CATSPERB: variants seen among roughly 807,000 people sequenced by gnomAD.
CATSPERB encodes the protein catsper channel auxiliary subunit beta, also known as cation channel sperm-associated auxiliary subunit beta.
Under a neutral mutation model 128.3 loss-of-function variants are expected in CATSPERB, and 93 were observed. The observed-to-expected ratio is 0.72, with a 90% CI of 0.61 to 0.86. The LOEUF (loss-of-function observed/expected upper bound fraction) is 0.86. CATSPERB is among the 40% of genes least tolerant of loss of function. The probability of loss-of-function intolerance (pLI) is 0.00; values close to 1 mark genes in which losing one functional copy is unlikely to be tolerated. For synonymous variants in CATSPERB, 381 were observed against 448.8 expected, an observed-to-expected ratio of 0.85 and a Z score of 1.91; for missense variants, 1,153 against 1,329.5, an observed-to-expected ratio of 0.87 and a Z score of 2.06.
At chr14:91,581,247 A>C (rs1893203050) in intron 26 of CATSPERB, 140 bp from the exon 27 acceptor site, 2 of 679,026 alleles carry the variant, frequency 2.9e-6, no homozygotes, top group Admixed American at 5.6e-5. Flanking sequence ...CAAAGCTTGG[A>C]AACAGTCTCT....
intron 5 of CATSPERB, among the ~76,000 whole-genome samples, chr14:91,718,020 G>C (rs1394838730): frequency 2.6e-5 from 4 of 152,096 alleles, no homozygotes; most frequent in Non-Finnish European, 4.4e-5. Context: ...TCCTGTCTGG[G>C]TGACTTTAGA....
At chr14:91,697,049 C>G (rs1318893684) in intron 7 of CATSPERB, among the ~76,000 whole-genome samples, 1 of 152,078 alleles carries the variant, frequency 6.6e-6, no homozygotes, top group Non-Finnish European at 1.5e-5. Flanking sequence ...AATAAATATA[C>G]AAGCGAAGAG....
chr14:91,684,064 C>T lies in CATSPERB; in HGVS notation c.865-121G>A, dbSNP rs951727617. On this transcript the variant is annotated intron_variant, in intron 10 of 26. Coordinates refer to ENST00000256343, the MANE Select transcript of CATSPERB (RefSeq NM_024764.4). ...AGTTCAGGAATGTGAGGCAAAGAGACAAAAATTGTATGCAAATAAAAGACT... is the reference window on the plus strand; with the variant it reads ...AGTTCAGGAATGTGAGGCAAAGAGATAAAAATTGTATGCAAATAAAAGACT... 4 of 587,626 alleles carry T rather than the reference C, an allele frequency of 6.8e-6. No homozygotes were observed. In the Admixed American group the frequency reaches 1.3e-4, roughly 20 times the overall value. 36.4% of individuals were successfully genotyped at this position (587,626 alleles called of 1,614,324 possible).
At chr14:91,600,598 A>C (rs958999389) in intron 22 of CATSPERB, among the ~76,000 whole-genome samples, 1 of 152,244 alleles carries the variant, frequency 6.6e-6, no homozygotes, top group Admixed American at 6.5e-5. Flanking sequence ...ACTTCAACAC[A>C]TACTTTTATG....
At chr14:91,607,091 G>C (rs1471468734) in intron 22 of CATSPERB, among the ~76,000 whole-genome samples, 2 of 118,364 alleles carry the variant, frequency 1.7e-5, no homozygotes, top group Middle Eastern at 4.1e-3. Context: ...GGGCGGGGGG[G>C]GGGGGGGCGG....
intron 4 of CATSPERB, among the ~76,000 whole-genome samples, chr14:91,720,151 A>G (rs1377252540): frequency 6.6e-6 from 1 of 152,090 alleles, no homozygotes; most frequent in Non-Finnish European, 1.5e-5. Context: ...AAATCCAAAG[A>G]GAAAAATCTT....
Position 91,723,091 on chromosome 14 carries a change from C to A in CATSPERB, c.267G>T (p.Met89Ile). 6.5e-7 allele frequency: 1 copy of A among 1,547,646 alleles called. No individual in the cohort carries two copies. Among genetic ancestry groups the A allele is most frequent in the Non-Finnish European group, 8.7e-7 (1 of 1,147,192 alleles). Residue 89 changes from methionine to isoleucine, a missense_variant, in exon 4 of 27, where the codon ATG becomes ATT. Met to Ile is a conservative substitution (Grantham distance 10). Coordinates refer to ENST00000256343, the MANE Select transcript of CATSPERB (RefSeq NM_024764.4). ...SGGLAPSLGI[M>I]NSTYNGIFHF... ...GGAAGATGCCATTATATGTACTATT[C>A]ATGATTCCCAAGCTGGGAGCAAGTC...
chr14:91,647,149 G>A (rs1894620071), intron 15 of CATSPERB, among the ~76,000 whole-genome samples: 2 of 152,202 alleles, frequency 1.3e-5, no homozygotes, highest in South Asian at 4.1e-4. Flanking sequence ...GCCTTCCAAT[G>A]GCCATAACCT....
intron 11 of CATSPERB, among the ~76,000 whole-genome samples, chr14:91,676,033 C>T (rs1305059660): frequency 6.6e-6 from 1 of 152,142 alleles, no homozygotes. Flanking sequence ...TTTGCCATCT[C>T]ATTTGTTGCC....
chr14:91,671,520 C>T (rs533947103), intron 13 of CATSPERB, among the ~76,000 whole-genome samples: 1 of 151,474 alleles, frequency 6.6e-6, no homozygotes, highest in African/African-American at 2.4e-5. Context: ...GGTTGCAGTG[C>T]GCCGAGGTTG....
At chr14:91,606,780 T>G (rs1190180643) in intron 22 of CATSPERB, among the ~76,000 whole-genome samples, 1 of 152,136 alleles carries the variant, frequency 6.6e-6, no homozygotes, top group Non-Finnish European at 1.5e-5. Context: ...CTGATAACAC[T>G]GGAAATGGTG....
chr14:91,674,870 C>G (rs1473057175), intron 11 of CATSPERB, among the ~76,000 whole-genome samples: 1 of 152,216 alleles, frequency 6.6e-6, no homozygotes, highest in African/African-American at 2.4e-5. Context: ...ACAGGACACA[C>G]AGACCTTGCA....
rs1488951201 is a variant in CATSPERB at position 91,659,865 on chromosome 14, T to C, written c.1404A>G (p.Gln468=). The C allele has an allele frequency of 3.7e-6, 6 of 1,606,836 alleles. No homozygotes were observed. The African/African-American group carries it at 4.0e-5, about 11-fold the overall frequency. Residue 468 remains glutamine, a synonymous_variant, in exon 15 of 27, where the codon CAA becomes CAG. Coordinates refer to ENST00000256343, the MANE Select transcript of CATSPERB (RefSeq NM_024764.4). The stretch of plus-strand genomic sequence containing the variant: ...CCTTTGTCGAGTAAACCTTTCCACG[T>C]TGAGAAACAAAAGTAATAGCTGATG... ...FYTSAITFVS[Q]RGKVYSTKAG... is the part of the protein sequence containing the mutation.
Position 91,639,191 on chromosome 14 carries a change from CATAGTA to C in CATSPERB, c.1486_1491del (p.Tyr496_Tyr497del). 1 of 1,613,874 alleles carries C rather than the reference CATAGTA, an allele frequency of 6.2e-7. No homozygotes were observed. The highest frequency in any genetic ancestry group is 8.5e-7 in the Non-Finnish European group (1 of 1,179,844). On this transcript the variant is annotated inframe_deletion, in exon 16 of 27. Transcript: ENST00000256343. ...AGCTTATGTAGGAATCCCAAGTGAT[CATAGTA>C]TAATGTGAAAATTCTCTCAGTAACA...
At chr14:91,586,221 A>G (rs1893295382) in intron 26 of CATSPERB, among the ~76,000 whole-genome samples, 1 of 152,078 alleles carries the variant, frequency 6.6e-6, no homozygotes, top group Non-Finnish European at 1.5e-5. Flanking sequence ...ATGTCCCCCC[A>G]TGCTTTCCAC....
chr14:91,659,448 C>G (rs951758710), intron 15 of CATSPERB, among the ~76,000 whole-genome samples: 3 of 152,196 alleles, frequency 2.0e-5, no homozygotes, highest in Non-Finnish European at 4.4e-5. Context: ...CACAACTCCA[C>G]CATTACTGGT....
chr14:91,685,778 C>T (rs1895363296), intron 10 of CATSPERB, among the ~76,000 whole-genome samples: 1 of 152,168 alleles, frequency 6.6e-6, no homozygotes, highest in South Asian at 2.1e-4. Context: ...AATGTTAGCA[C>T]ATTCAGGGAA....
At chr14:91,697,259 A>G (rs1050461162) in intron 7 of CATSPERB, among the ~76,000 whole-genome samples, 1 of 152,102 alleles carries the variant, frequency 6.6e-6, no homozygotes, top group Non-Finnish European at 1.5e-5. Context: ...AAGGAGGAAA[A>G]AGAAGGGCAA....
At chr14:91,604,666 G>C (rs751407746) in intron 22 of CATSPERB, 1 of 1,612,418 alleles carries the variant, frequency 6.2e-7, no homozygotes, top group African/African-American at 1.3e-5. Context: ...TCCAGGAGTG[G>C]TTGCTCCAGG....
Sources: gnomAD v4.1 joint callset for allele counts (sites outside exome capture counted in the v4.1 genomes callset) on GRCh38, gnomAD v4.1.1 for gene constraint, MANE v1.5 for transcripts, NCBI Gene and HGNC (gene_info 2026-07-23, HGNC 2026-07-21) for gene names.